ROBO2: variants seen among roughly 807,000 people sequenced by gnomAD.
ROBO2 encodes roundabout guidance receptor 2.
In ROBO2, 53 loss-of-function variants were observed where a neutral mutation model predicts 160.8. The observed-to-expected ratio is 0.33, with a 90% CI of 0.26 to 0.41. The LOEUF (loss-of-function observed/expected upper bound fraction) is 0.41. ROBO2 is among the 10% of genes least tolerant of loss of function. ROBO2 has a pLI of 1.00. For synonymous variants in ROBO2, 664 were observed against 611.7 expected, an observed-to-expected ratio of 1.09 and a Z score of -1.26; for missense variants, 1,577 against 1,722.4, an observed-to-expected ratio of 0.92 and a Z score of 1.49.
chr3:76,210,608 A>T (rs1295681700), intron 2 of ROBO2, among the ~76,000 whole-genome samples: 3 of 152,170 alleles, frequency 2.0e-5, no homozygotes, highest in African/African-American at 7.2e-5. Context: ...GTTAATAAAT[A>T]TAAATGCTGT....
intron 2 of ROBO2, among the ~76,000 whole-genome samples, chr3:76,553,627 A>G (rs2083542095): frequency 6.6e-6 from 1 of 152,198 alleles, no homozygotes; most frequent in South Asian, 2.1e-4. Flanking sequence ...ATCCTGGAAC[A>G]TTTAAAATTA....
At chr3:76,015,716 G>C in intron 2 of ROBO2, among the ~76,000 whole-genome samples, 1 of 152,170 alleles carries the variant, frequency 6.6e-6, no homozygotes, top group Non-Finnish European at 1.5e-5. Context: ...TGCATTGGAA[G>C]AAAACCAGGT....
At chr3:76,430,628 A>G (rs995575267) in intron 2 of ROBO2, among the ~76,000 whole-genome samples, 3 of 152,244 alleles carry the variant, frequency 2.0e-5, no homozygotes, top group South Asian at 2.1e-4. Context: ...CAACTTTTAA[A>G]TGGCACATTT....
chr3:76,732,805 C>T (rs907604003), intron 2 of ROBO2, among the ~76,000 whole-genome samples: 1 of 152,140 alleles, frequency 6.6e-6, no homozygotes, highest in Non-Finnish European at 1.5e-5. Flanking sequence ...ACAGATTTTA[C>T]TTCTGTATAT....
intron 6 of ROBO2, among the ~76,000 whole-genome samples, chr3:77,530,240 C>A (rs192765342): frequency 6.6e-6 from 1 of 151,902 alleles, no homozygotes; most frequent in Admixed American, 6.6e-5. Flanking sequence ...AGAGAAATTT[C>A]AGATCATAGT....
chr3:77,318,977 A>G (rs2064366198), intron 2 of ROBO2, among the ~76,000 whole-genome samples: 1 of 152,146 alleles, frequency 6.6e-6, no homozygotes, highest in African/African-American at 2.4e-5. Context: ...CAAAGTCTCT[A>G]TTTCTCCATT....
chr3:75,931,327 T>A (rs1056143994), intron 1 of ROBO2, among the ~76,000 whole-genome samples: 1 of 152,192 alleles, frequency 6.6e-6, no homozygotes, highest in African/African-American at 2.4e-5. Context: ...GTAGTTAGAA[T>A]CTGTATAATC....
intron 2 of ROBO2, among the ~76,000 whole-genome samples, chr3:75,972,952 T>G (rs760964796): frequency 6.6e-6 from 1 of 151,606 alleles, no homozygotes; most frequent in Non-Finnish European, 1.5e-5. Flanking sequence ...TAACAAATGA[T>G]AGGGTACAAC....
At chr3:77,097,927 T>G in intron 1 of ROBO2, 87 bp from the exon 2 acceptor site, 1 of 1,174,800 alleles carries the variant, frequency 8.5e-7, no homozygotes, top group Non-Finnish European at 1.2e-6. Context: ...ATCGAAGAGT[T>G]TAATTTCCCC....
intron 2 of ROBO2, among the ~76,000 whole-genome samples, chr3:76,572,378 T>C (rs2085010010): frequency 6.6e-6 from 1 of 152,112 alleles, no homozygotes; most frequent in Admixed American, 6.6e-5. Flanking sequence ...TCTTCCTTTT[T>C]TGTTTTTGTC....
intron 2 of ROBO2, among the ~76,000 whole-genome samples, chr3:76,161,235 T>A (rs558615536): frequency 3.9e-5 from 6 of 152,208 alleles, no homozygotes; most frequent in African/African-American, 1.4e-4. Context: ...ATAGCAAATT[T>A]AGTTGAATAC....
chr3:76,337,545 C>T (rs2073971014), intron 2 of ROBO2, among the ~76,000 whole-genome samples: 1 of 151,972 alleles, frequency 6.6e-6, no homozygotes, highest in Admixed American at 6.6e-5. Flanking sequence ...TAAAATTTCC[C>T]CAGAACTAGG....
intron 2 of ROBO2, among the ~76,000 whole-genome samples, chr3:76,653,819 C>A (rs910162060): frequency 6.6e-6 from 1 of 152,130 alleles, no homozygotes; most frequent in Non-Finnish European, 1.5e-5. Flanking sequence ...TAGGACATTA[C>A]CATGGCAACA....
chr3:76,540,597 A>G (rs987074829), intron 2 of ROBO2, among the ~76,000 whole-genome samples: 2 of 152,212 alleles, frequency 1.3e-5, no homozygotes, highest in African/African-American at 4.8e-5. Context: ...TGCTTAATAT[A>G]TAAAACTTCT....
chr3:77,318,920 T>G (rs1363825748), intron 2 of ROBO2, among the ~76,000 whole-genome samples: 1 of 152,178 alleles, frequency 6.6e-6, no homozygotes, highest in Non-Finnish European at 1.5e-5. Context: ...CTTTAGTGCA[T>G]TTGAGACTCT....
intron 2 of ROBO2, among the ~76,000 whole-genome samples, chr3:76,302,124 C>T (rs1709391283): frequency 6.6e-6 from 1 of 151,940 alleles, no homozygotes; most frequent in Non-Finnish European, 1.5e-5. Flanking sequence ...ATACTCATGC[C>T]TTAACTATAT....
At chr3:76,963,648 G>A (rs72900190) in intron 2 of ROBO2, among the ~76,000 whole-genome samples, 38 of 151,882 alleles carry the variant, frequency 2.5e-4, no homozygotes, top group African/African-American at 6.8e-4. Flanking sequence ...TAATAAAAGC[G>A]ATAAAATTGC....
At chr3:77,087,046 G>T (rs973787430) in intron 1 of ROBO2, among the ~76,000 whole-genome samples, 6 of 152,034 alleles carry the variant, frequency 3.9e-5, no homozygotes, top group African/African-American at 1.4e-4. Context: ...GTGTTTTTTA[G>T]ACATTGACAC....
At chr3:77,046,281 G>A (rs996385401) in intron 1 of ROBO2, among the ~76,000 whole-genome samples, 2 of 152,094 alleles carry the variant, frequency 1.3e-5, no homozygotes, top group South Asian at 4.2e-4. Context: ...TTATGAGTTG[G>A]GTATGATGTT....
Sources: allele counts gnomAD v4.1 joint callset (sites outside exome capture counted in the v4.1 genomes callset), GRCh38; gene constraint gnomAD v4.1.1; transcripts MANE v1.5; gene names NCBI Gene and HGNC (gene_info 2026-07-23, HGNC 2026-07-21).